The following TMEM40 variants were observed in gnomAD, a reference collection of about 807,000 sequenced individuals.
TMEM40 encodes the protein transmembrane protein 40.
TMEM40 carries 34 observed loss-of-function variants against 40.8 expected under a neutral mutation model. The ratio of observed to expected loss-of-function variants is 0.83; its 90% CI spans 0.63 to 1.11. The LOEUF (loss-of-function observed/expected upper bound fraction) is 1.11. Ranked by LOEUF, TMEM40 falls within the 50% of genes least tolerant of loss-of-function variation. The probability of loss-of-function intolerance (pLI) is 0.00; values close to 1 mark genes in which losing one functional copy is unlikely to be tolerated. For missense variants in TMEM40, 296 were observed against 280.2 expected (o/e 1.06, Z -0.40); for synonymous variants, 106 against 107.0 (o/e 0.99, Z 0.06).
At chr3:12,745,787 T>C (rs1293236772) in intron 3 of TMEM40, among the ~76,000 whole-genome samples, 1 of 151,952 alleles carries the variant, frequency 6.6e-6, no homozygotes, top group Non-Finnish European at 1.5e-5. Context: ...ATGGAATATA[T>C]GCTGTTTAAA....
upstream of TMEM40, among the ~76,000 whole-genome samples, chr3:12,760,106 C>T (rs1369343593): frequency 6.6e-6 from 1 of 152,148 alleles, no homozygotes; most frequent in Non-Finnish European, 1.5e-5. Context: ...CTGGAAAATC[C>T]TGTTGGTCCT....
chr3:12,750,671 C>T (rs1172518651), intron 1 of TMEM40, among the ~76,000 whole-genome samples: 1 of 152,174 alleles, frequency 6.6e-6, no homozygotes, highest in East Asian at 1.9e-4. Context: ...TAGTCTTGAA[C>T]TCCTGGGTTA....
chr3:12,757,729 C>T (rs2061539822), intron 1 of TMEM40, among the ~76,000 whole-genome samples: 2 of 152,304 alleles, frequency 1.3e-5, no homozygotes, highest in Middle Eastern at 3.4e-3. Flanking sequence ...CCAGCAATTC[C>T]AATCCCTAGT....
chr3:12,769,158 G>C (rs1446549209), intron 1 of TMEM40: 1 of 266,892 alleles, frequency 3.7e-6, no homozygotes, highest in East Asian at 1.3e-4. Flanking sequence ...CTCCAAGTGC[G>C]GGGCCTACCA....
Position 12,737,807 on chromosome 3 carries a change from G to C in TMEM40, c.425-53C>G. ...TAACTTTGATGCAGGACGGGAGGTG[G>C]GATTTTCTTTTCCCTGCCTCATTGA... On this transcript the variant is annotated intron_variant, in intron 7 of 11. Coordinates refer to ENST00000314124, the MANE Select transcript of TMEM40 (RefSeq NM_018306.4). 1.3e-5 allele frequency: 21 copies of C among 1,565,070 alleles called. 1 individual carries two copies. In the South Asian group the frequency reaches 2.3e-4, roughly 17 times the overall value.
At chr3:12,753,508 G>A (rs980812602) in intron 1 of TMEM40, among the ~76,000 whole-genome samples, 1 of 152,000 alleles carries the variant, frequency 6.6e-6, no homozygotes, top group Non-Finnish European at 1.5e-5. Context: ...ACAGGCATGA[G>A]CCACCACACC....
intron 3 of TMEM40, among the ~76,000 whole-genome samples, chr3:12,746,882 G>C (rs1254463335): frequency 1.3e-5 from 2 of 152,184 alleles, no homozygotes; most frequent in Non-Finnish European, 2.9e-5. Context: ...ACCAGAACCA[G>C]AGGACGGAAC....
intron 2 of TMEM40, among the ~76,000 whole-genome samples, chr3:12,749,344 C>T (rs2061455367): frequency 6.6e-6 from 1 of 152,174 alleles, no homozygotes; most frequent in Non-Finnish European, 1.5e-5. Context: ...TTTCTAAGCC[C>T]CCTGCCTTGC....
At chr3:12,760,525 GC>G (rs1315220023), upstream of TMEM40, among the ~76,000 whole-genome samples, 2 of 151,684 alleles carry the variant, frequency 1.3e-5, no homozygotes, top group Admixed American at 6.6e-5. Context: ...AAGCCACCTG[GC>G]CCCCCGCTCA....
In TMEM40 at chr3:12,743,880, T is replaced by C. The variant is rs2106611452; in HGVS notation, c.301+20A>G. The C allele has an allele frequency of 6.2e-7, 1 of 1,608,132 alleles. No homozygotes were observed. The highest frequency in any genetic ancestry group is 2.2e-5 in the East Asian group (1 of 44,698). On this transcript the variant is annotated intron_variant, in intron 4 of 11. Coordinates refer to ENST00000314124, the MANE Select transcript of TMEM40 (RefSeq NM_018306.4). ...GGTGAGCGAGTGGGCAAAAGAAAAA[T>C]GGTAAGGCCTATTTCCTACCGGGTG...
chr3:12,765,581 T>G (rs1466651144), intron 1 of TMEM40, among the ~76,000 whole-genome samples: 1 of 151,528 alleles, frequency 6.6e-6, no homozygotes, highest in Non-Finnish European at 1.5e-5. Flanking sequence ...TTTTTTTTTT[T>G]TTTTGAGACG....
upstream of TMEM40, chr3:12,759,589 T>TG (rs2061555464): frequency 6.6e-6 from 1 of 152,402 alleles, no homozygotes; most frequent in Non-Finnish European, 1.5e-5. Context: ...CCCACATTGG[T>TG]GAGGCTGACT....
At chr3:12,754,130 G>A (rs2061500154) in intron 1 of TMEM40, among the ~76,000 whole-genome samples, 1 of 152,178 alleles carries the variant, frequency 6.6e-6, no homozygotes, top group South Asian at 2.1e-4. Context: ...GGCTAACACG[G>A]TGAAACCCCG....
At position 12,757,005 on chromosome 3, in the gene TMEM40, G is replaced by C. The variant is rs1042177723; in HGVS notation, c.-9+2186C>G. ...CGCCTCTACCCCTCACTGACTCTGA[G>C]ACCTGGAGCGTGTCACATCCATTCT... is the stretch of plus-strand genomic sequence containing the variant. On this transcript the variant is annotated intron_variant, in intron 1 of 11. Coordinates refer to ENST00000314124, the MANE Select transcript of TMEM40 (RefSeq NM_018306.4). 7.9e-5 allele frequency among the ~76,000 whole-genome samples: 12 copies of C among 152,128 alleles called. 1 individual carries two copies. Among genetic ancestry groups the C allele is most frequent in the Non-Finnish European group, 1.5e-4 (10 of 68,022 alleles).
At chr3:12,762,750 T>G (rs1216652889), upstream of TMEM40, among the ~76,000 whole-genome samples, 1 of 152,184 alleles carries the variant, frequency 6.6e-6, no homozygotes, top group African/African-American at 2.4e-5. Context: ...CCTGGAAACC[T>G]TTTAGAAATG....
At chr3:12,749,659 C>T (rs1356644107) in intron 2 of TMEM40, 101 bp downstream of exon 2, 2 of 1,015,200 alleles carry the variant, frequency 2.0e-6, no homozygotes, top group Non-Finnish European at 3.0e-6. Flanking sequence ...ATTTGAGGCC[C>T]TGTGCAACGT....
chr3:12,758,160 A>G (rs2061542867), intron 1 of TMEM40, among the ~76,000 whole-genome samples: 1 of 151,916 alleles, frequency 6.6e-6, no homozygotes, highest in African/African-American at 2.4e-5. Flanking sequence ...GGGCAGGCCC[A>G]GCATGGTCCC....
rs2061606636 is a variant in TMEM40, at chr3:12,768,804, C to A, written c.-9+447G>T. Among the ~76,000 whole-genome samples, 6 of 152,036 alleles carry A rather than the reference C, an allele frequency of 3.9e-5. No homozygotes were observed. The South Asian group carries it at 1.0e-3, about 26-fold the overall frequency. On this transcript the variant is annotated intron_variant, in intron 1 of 11. Transcript: ENST00000264728. ...CGCGCAGTGCTCCCACAGTCCTCAG[C>A]CCTTGGGCGGTCGATGGGACCGGGC...
In TMEM40 at chr3:12,756,529, G is replaced by A. The variant is rs73812897; in HGVS notation, c.-9+2662C>T. 8.0e-3 allele frequency among the ~76,000 whole-genome samples: 1,211 copies of A among 152,236 alleles called. 10 individuals carry two copies. The highest frequency in any genetic ancestry group is 0.027 in the African/African-American group (1,113 of 41,528). On this transcript the variant is annotated intron_variant, in intron 1 of 11. Transcript: ENST00000314124. ...ACAAGGAAAACTAGAGGGGGAGTTT[G>A]CCTTCCATAAAACTTTTTTGAGGCT...
Sources: gnomAD v4.1 joint callset for allele counts (sites outside exome capture counted in the v4.1 genomes callset) on GRCh38, gnomAD v4.1.1 for gene constraint, MANE v1.5 for transcripts, NCBI Gene and HGNC (gene_info 2026-07-23, HGNC 2026-07-21) for gene names.